The following DCC variants were observed in gnomAD, a reference collection of about 807,000 sequenced individuals.
DCC encodes the protein netrin receptor DCC.
In DCC, 58 loss-of-function variants were observed where a neutral mutation model predicts 172.5. The ratio of observed to expected loss-of-function variants is 0.34; its 90% CI spans 0.27 to 0.42. The LOEUF is 0.42. Ranked by LOEUF, DCC falls within the 10% of genes least tolerant of loss-of-function variation. DCC has a pLI of 1.00. For missense variants in DCC, 1,740 were observed against 1,791.0 expected, an observed-to-expected ratio of 0.97 and a Z score of 0.51; for synonymous variants, 709 against 644.5, an observed-to-expected ratio of 1.10 and a Z score of -1.52.
chr18:53,048,519 G>C (rs1055628217), intron 5 of DCC, among the ~76,000 whole-genome samples: 1 of 133,136 alleles, frequency 7.5e-6, no homozygotes, highest in Non-Finnish European at 1.6e-5. Flanking sequence ...GTGTGTGTGT[G>C]TGTGTGTATA....
intron 2 of DCC, among the ~76,000 whole-genome samples, chr18:52,779,827 C>T (rs1032301570): frequency 1.3e-5 from 2 of 152,160 alleles, no homozygotes; most frequent in African/African-American, 2.4e-5. Context: ...TGCTTCCTGG[C>T]TTCTTAATAA....
At chr18:53,085,324 A>G (rs1243581790) in intron 7 of DCC, among the ~76,000 whole-genome samples, 1 of 152,150 alleles carries the variant, frequency 6.6e-6, no homozygotes, top group African/African-American at 2.4e-5. Context: ...TATGAACCAC[A>G]CCTAGAAACC....
chr18:52,514,566 A>C (rs2031559771), intron 1 of DCC, among the ~76,000 whole-genome samples: 1 of 152,204 alleles, frequency 6.6e-6, no homozygotes, highest in Non-Finnish European at 1.5e-5. Flanking sequence ...GATTGGTTTT[A>C]TTTGTATGCA....
chr18:52,794,860 A>G (rs1018699285), intron 2 of DCC, among the ~76,000 whole-genome samples: 20 of 151,794 alleles, frequency 1.3e-4, no homozygotes, highest in Non-Finnish European at 2.5e-4. Context: ...ATTGAATTTT[A>G]TCTTTTTGAT....
Position 52,570,811 on chromosome 18 carries a change from C to A in DCC, c.92-181243C>A, listed in dbSNP as rs192354168. ...ATCATTATTTTGCTGAATTCCTTTC[C>A]GTTATTCTGTTTCTTTCTGTACTGT... is the stretch of plus-strand genomic sequence containing the variant. On this transcript the variant is annotated intron_variant, in intron 1 of 28. Transcript: ENST00000442544. Among the ~76,000 whole-genome samples, 224 of 152,106 alleles carry A rather than the reference C, an allele frequency of 1.5e-3. 1 individual carries two copies. Among genetic ancestry groups the A allele is most frequent in the African/African-American group, 5.1e-3 (211 of 41,524 alleles).
intron 1 of DCC, among the ~76,000 whole-genome samples, chr18:52,485,843 A>C (rs147568082): frequency 7.8e-4 from 119 of 152,282 alleles, no homozygotes; most frequent in Admixed American, 1.8e-3. Flanking sequence ...ATGATCTGTG[A>C]AATTAATCAA....
At chr18:53,145,105 CTTTTTTTTTTTTT>C (rs57501246) in intron 7 of DCC, among the ~76,000 whole-genome samples, 1 of 36,908 alleles carries the variant, frequency 2.7e-5, no homozygotes, top group Non-Finnish European at 4.4e-5. Context: ...GAGGGCTCTG[CTTTTTTTTTTTTT>C]TTTTTTTTTT....
At chr18:52,811,273 T>C (rs2038193228) in intron 2 of DCC, among the ~76,000 whole-genome samples, 1 of 152,186 alleles carries the variant, frequency 6.6e-6, no homozygotes. Flanking sequence ...ATACCCTTTT[T>C]CTTATCACTT....
chr18:52,702,177 A>G (rs143702066), intron 1 of DCC, among the ~76,000 whole-genome samples: 11 of 152,240 alleles, frequency 7.2e-5, no homozygotes, highest in African/African-American at 2.4e-4. Context: ...TGGATTCTTC[A>G]GCCTCTTTTC....
At chr18:53,488,378 CA>C (rs1568163922) in intron 26 of DCC, among the ~76,000 whole-genome samples, 1 of 151,722 alleles carries the variant, frequency 6.6e-6, no homozygotes, top group African/African-American at 2.4e-5. Flanking sequence ...CTATTTATTT[CA>C]AATTAAAAAA....
At chr18:52,543,134 G>A (rs2032507375) in intron 1 of DCC, among the ~76,000 whole-genome samples, 1 of 152,198 alleles carries the variant, frequency 6.6e-6, no homozygotes, top group Non-Finnish European at 1.5e-5. Flanking sequence ...GAATGTTTAA[G>A]AGAAGTGCTG....
At chr18:52,479,577 T>TCCCCC (rs1312471041) in intron 1 of DCC, among the ~76,000 whole-genome samples, 2 of 32,944 alleles carry the variant, frequency 6.1e-5, no homozygotes, top group African/African-American at 8.0e-5. Context: ...CCTACCTCCC[T>TCCCCC]CCACCCCCCC....
At chr18:52,442,866 A>T (rs371114406) in intron 1 of DCC, among the ~76,000 whole-genome samples, 64 of 152,316 alleles carry the variant, frequency 4.2e-4, no homozygotes, top group African/African-American at 1.5e-3. Context: ...TGCAGGGGCC[A>T]GGCAGTCATG....
intron 5 of DCC, among the ~76,000 whole-genome samples, chr18:52,960,819 T>C (rs2040831007): frequency 6.6e-6 from 1 of 152,128 alleles, no homozygotes; most frequent in Non-Finnish European, 1.5e-5. Flanking sequence ...CAAGACCTTA[T>C]TGATGGATTG....
chr18:53,396,807 A>C (rs1192947536), intron 17 of DCC, among the ~76,000 whole-genome samples: 1 of 152,166 alleles, frequency 6.6e-6, no homozygotes. Flanking sequence ...AACTTATGCC[A>C]AAAAAACCAC....
At chr18:52,998,314 T>A (rs1305635883) in intron 5 of DCC, among the ~76,000 whole-genome samples, 1 of 152,028 alleles carries the variant, frequency 6.6e-6, no homozygotes, top group Non-Finnish European at 1.5e-5. Flanking sequence ...GGGTTGTTCC[T>A]AGCATATGGA....
At chr18:53,178,890 C>G (rs1444898729) in intron 8 of DCC, 72 bp from the exon 9 acceptor site, 2 of 1,550,312 alleles carry the variant, frequency 1.3e-6, no homozygotes, top group East Asian at 4.5e-5. Flanking sequence ...ACTACTCTTG[C>G]ACATCAAATA....
intron 1 of DCC, among the ~76,000 whole-genome samples, chr18:52,711,949 A>G (rs1378789356): frequency 2.6e-5 from 4 of 151,482 alleles, no homozygotes; most frequent in Non-Finnish European, 5.9e-5. Flanking sequence ...GCATCAAGGT[A>G]AAATAGTTTC....
At chr18:52,600,661 C>A (rs1568249483) in intron 1 of DCC, among the ~76,000 whole-genome samples, 3 of 152,058 alleles carry the variant, frequency 2.0e-5, no homozygotes. Context: ...TTCTTTGGAT[C>A]TTCTTTAATC....
Sources: allele counts gnomAD v4.1 joint callset (sites outside exome capture counted in the v4.1 genomes callset), GRCh38; gene constraint gnomAD v4.1.1; transcripts MANE v1.5; gene names NCBI Gene and HGNC (gene_info 2026-07-23, HGNC 2026-07-21).